The following PRORP variants were observed in gnomAD, a reference collection of about 807,000 sequenced individuals.
The protein encoded by PRORP is protein only RNase P catalytic subunit.
Under a neutral mutation model 59.4 loss-of-function variants are expected in PRORP, and 51 were observed. That is an observed-to-expected ratio of 0.86 (90% confidence interval 0.69 to 1.08). The LOEUF (loss-of-function observed/expected upper bound fraction) is 1.08. PRORP is among the 50% of genes least tolerant of loss of function. The pLI, the probability that PRORP is intolerant of heterozygous loss-of-function variation, is 0.00. For missense variants in PRORP, 646 were observed against 690.3 expected (o/e 0.94, Z 0.72); for synonymous variants, 231 against 245.6 (o/e 0.94, Z 0.55).
chr14:35,228,059 C>T (rs1056962384), intron 5 of PRORP, among the ~76,000 whole-genome samples: 3 of 152,170 alleles, frequency 2.0e-5, no homozygotes, highest in African/African-American at 4.8e-5. Context: ...AGAAGAATCG[C>T]TTGAACCCAG....
rs2051157499 is a variant in PRORP at position 35,270,460 on chromosome 14, T to G, written c.1484T>G (p.Phe495Cys). 1 of 1,614,000 alleles carries G rather than the reference T, an allele frequency of 6.2e-7. No individual in the cohort carries two copies. Among genetic ancestry groups the G allele is most frequent in the South Asian group, 1.1e-5 (1 of 91,082 alleles). The stretch of plus-strand genomic sequence containing the variant: ...CTGCACTCCGGGAATCACTGCAGGT[T>G]TATCACAAGAGACCTGATGCGGGAC... ...ATLHSGNHCR[F>C]ITRDLMRDHK... The change falls in exon 7 of 8, where the codon TTT (phenylalanine) becomes TGT (cysteine). Residue 495 changes from phenylalanine to cysteine, a missense_variant. By Grantham distance (205) the Phe-to-Cys change is radical. Transcript: ENST00000534898.
At chr14:35,166,783 A>G (rs1280915408) in intron 4 of PRORP, among the ~76,000 whole-genome samples, 7 of 152,096 alleles carry the variant, frequency 4.6e-5, no homozygotes, top group Admixed American at 3.9e-4. Context: ...CTCCTAACGT[A>G]TCTTTCATTG....
At chr14:35,212,084 C>T (rs1313462962) in intron 5 of PRORP, among the ~76,000 whole-genome samples, 1 of 152,170 alleles carries the variant, frequency 6.6e-6, no homozygotes, top group Non-Finnish European at 1.5e-5. Context: ...CTTTGTTTCT[C>T]CATAACAAGC....
intron 4 of PRORP, among the ~76,000 whole-genome samples, chr14:35,156,924 T>C (rs184004817): frequency 6.6e-6 from 1 of 151,846 alleles, no homozygotes; most frequent in East Asian, 1.9e-4. Flanking sequence ...TTTCTTGCCC[T>C]AATAATGGTA....
chr14:35,273,635 G>T lies in PRORP; in HGVS notation c.*69G>T, dbSNP rs760647876. 5.4e-6 allele frequency: 8 copies of T among 1,474,670 alleles called. No homozygotes were observed. The highest frequency in any genetic ancestry group is 6.4e-6 in the Non-Finnish European group (7 of 1,094,214). 91.3% of individuals were successfully genotyped at this position (1,474,670 alleles called of 1,614,324 possible). ...GGTTGGCATCAGAGGCTCTTGAGCT[G>T]GTGTTTGTTTAGGGCATTGCCTCTG... On this transcript the variant is annotated 3_prime_UTR_variant, in exon 8 of 8. Transcript: ENST00000534898.
intron 3 of PRORP, among the ~76,000 whole-genome samples, chr14:35,127,249 C>CA (rs928362622): frequency 4.2e-4 from 60 of 141,374 alleles, no homozygotes; most frequent in Admixed American, 7.8e-4. Flanking sequence ...GACCCTGTCT[C>CA]AAAAAAAAAA....
intron 4 of PRORP, among the ~76,000 whole-genome samples, chr14:35,128,190 T>C (rs1293961820): frequency 6.6e-6 from 1 of 152,224 alleles, no homozygotes; most frequent in African/African-American, 2.4e-5. Context: ...GAATGATCTT[T>C]TTAATGTATT....
intron 5 of PRORP, chr14:35,235,499 T>G (rs2050187961): frequency 1.3e-5 from 8 of 614,880 alleles, no homozygotes; most frequent in Non-Finnish European, 2.1e-5. Context: ...ATCCACTTCA[T>G]GTGCAGTCAC....
At chr14:35,154,981 A>G in intron 4 of PRORP, among the ~76,000 whole-genome samples, 1 of 151,954 alleles carries the variant, frequency 6.6e-6, no homozygotes, top group Non-Finnish European at 1.5e-5. Flanking sequence ...CACAGCCTCA[A>G]CCTCCCGGGC....
intron 5 of PRORP, among the ~76,000 whole-genome samples, chr14:35,234,996 A>G (rs1042894552): frequency 2.0e-5 from 3 of 152,016 alleles, no homozygotes; most frequent in Non-Finnish European, 2.9e-5. Flanking sequence ...TATTTTTAAT[A>G]TCTTATAACT....
intron 5 of PRORP, among the ~76,000 whole-genome samples, chr14:35,214,525 A>C (rs1380623446): frequency 1.3e-5 from 2 of 152,210 alleles, no homozygotes; most frequent in Non-Finnish European, 2.9e-5. Context: ...TATTACTCTG[A>C]CTTCTTAAGC....
At chr14:35,188,086 C>A (rs1251890852) in intron 5 of PRORP, among the ~76,000 whole-genome samples, 1 of 151,550 alleles carries the variant, frequency 6.6e-6, no homozygotes, top group Admixed American at 6.6e-5. Flanking sequence ...CTGACCTCAG[C>A]CTCCCAAAGT....
At chr14:35,225,275 G>A (rs906256973) in intron 5 of PRORP, among the ~76,000 whole-genome samples, 6 of 152,132 alleles carry the variant, frequency 3.9e-5, no homozygotes, top group Non-Finnish European at 8.8e-5. Flanking sequence ...GAAGCCCCAA[G>A]AAACTAAATC....
chr14:35,231,786 C>T (rs1278601974), intron 5 of PRORP, among the ~76,000 whole-genome samples: 5 of 151,936 alleles, frequency 3.3e-5, no homozygotes, highest in African/African-American at 4.8e-5. Context: ...TTATGGATCA[C>T]GTAAAGATGA....
intron 5 of PRORP, among the ~76,000 whole-genome samples, chr14:35,202,942 G>C (rs1009090512): frequency 1.3e-5 from 2 of 152,124 alleles, no homozygotes; most frequent in Non-Finnish European, 2.9e-5. Flanking sequence ...CCTGAAAAGT[G>C]GTTGTTAAAA....
intron 4 of PRORP, among the ~76,000 whole-genome samples, chr14:35,152,138 A>G (rs1444549925): frequency 6.6e-6 from 1 of 152,130 alleles, no homozygotes; most frequent in Non-Finnish European, 1.5e-5. Flanking sequence ...ATGACTCTCA[A>G]CGAGCATGCT....
intron 7 of PRORP, among the ~76,000 whole-genome samples, chr14:35,271,113 T>C (rs943550789): frequency 1.4e-4 from 21 of 148,740 alleles, no homozygotes; most frequent in Admixed American, 4.0e-4. Context: ...ATTTAGGATA[T>C]ACCAGTTTTG....
chr14:35,224,649 A>C (rs1468762012), intron 5 of PRORP, among the ~76,000 whole-genome samples: 1 of 152,350 alleles, frequency 6.6e-6, no homozygotes, highest in African/African-American at 2.4e-5. Context: ...GATACAACTC[A>C]TACTAGAAAA....
chr14:35,260,819 CA>C (rs2050885750), intron 5 of PRORP, among the ~76,000 whole-genome samples: 1 of 152,162 alleles, frequency 6.6e-6, no homozygotes, highest in South Asian at 2.1e-4. Flanking sequence ...GTTCTTAGCC[CA>C]GTTTTTTAGA....
Sources: gnomAD v4.1 joint callset for allele counts (sites outside exome capture counted in the v4.1 genomes callset) on GRCh38, gnomAD v4.1.1 for gene constraint, MANE v1.5 for transcripts, NCBI Gene and HGNC (gene_info 2026-07-23, HGNC 2026-07-21) for gene names.